The following ATE1 variants were observed in gnomAD, a reference collection of about 807,000 sequenced individuals.
ATE1 encodes arginyltransferase 1, also known as arginyl-tRNA--protein transferase 1.
In ATE1, 36 loss-of-function variants were observed where a neutral mutation model predicts 70.5. The ratio of observed to expected loss-of-function variants is 0.51; its 90% CI spans 0.39 to 0.67. The LOEUF is 0.67. ATE1 is among the 30% of genes least tolerant of loss of function. ATE1 has a pLI of 0.00. For missense variants in ATE1, 593 were observed against 629.5 expected (o/e 0.94, Z 0.62); for synonymous variants, 232 against 219.3 (o/e 1.06, Z -0.51).
intron 10 of ATE1, among the ~76,000 whole-genome samples, chr10:121,824,092 A>C (rs1947910742): frequency 6.6e-6 from 1 of 152,210 alleles, no homozygotes; most frequent in Non-Finnish European, 1.5e-5. Context: ...TGTGATGACC[A>C]TGAGAATTCT....
intron 7 of ATE1, among the ~76,000 whole-genome samples, chr10:121,878,598 AAAAAG>A (rs1268796759): frequency 6.7e-6 from 1 of 149,492 alleles, no homozygotes; most frequent in African/African-American, 2.4e-5. Flanking sequence ...GTCTCAAAAA[AAAAAG>A]AAAAGAAAAG....
At chr10:121,850,590 C>A (rs368457619) in intron 8 of ATE1, among the ~76,000 whole-genome samples, 1 of 152,120 alleles carries the variant, frequency 6.6e-6, no homozygotes, top group East Asian at 1.9e-4. Flanking sequence ...CTCAGGGACC[C>A]CTGGCATTAC....
intron 10 of ATE1, among the ~76,000 whole-genome samples, chr10:121,808,348 AGCAG>A (rs1273190581): frequency 6.6e-6 from 1 of 152,202 alleles, no homozygotes; most frequent in Non-Finnish European, 1.5e-5. Context: ...AACAATGAAA[AGCAG>A]TCCATGAAGT....
chr10:121,832,790 A>T (rs1165573035), intron 10 of ATE1, among the ~76,000 whole-genome samples: 1 of 152,228 alleles, frequency 6.6e-6, no homozygotes, highest in African/African-American at 2.4e-5. Flanking sequence ...TTGGCCTCTA[A>T]GTAAAAGACA....
At chr10:121,885,567 CAAAAAAAAAA>C (rs397826119) in intron 7 of ATE1, among the ~76,000 whole-genome samples, 1 of 96,096 alleles carries the variant, frequency 1.0e-5, no homozygotes, top group Non-Finnish European at 1.9e-5. Context: ...GACTCCGTCT[CAAAAAAAAAA>C]AAAAAAAAAC....
At chr10:121,895,185 AG>A (rs1193582634) in intron 7 of ATE1, among the ~76,000 whole-genome samples, 1 of 152,232 alleles carries the variant, frequency 6.6e-6, no homozygotes, top group Non-Finnish European at 1.5e-5. Context: ...GATCCTCAAA[AG>A]GAAAACACAT....
chr10:121,764,919 T>A (rs1945213631), intron 11 of ATE1, among the ~76,000 whole-genome samples: 4 of 152,250 alleles, frequency 2.6e-5, no homozygotes, highest in Admixed American at 2.6e-4. Flanking sequence ...AGAATAAATA[T>A]GAAGTGTCTG....
chr10:121,892,924 T>C (rs1426111864), intron 7 of ATE1, among the ~76,000 whole-genome samples: 2 of 152,204 alleles, frequency 1.3e-5, no homozygotes, highest in Admixed American at 1.3e-4. Context: ...CTCTAGGGCG[T>C]GACATCAGAG....
rs1231808761 is a variant in ATE1 at position 121,902,466 on chromosome 10, A to G, written c.738T>C (p.Ala246=). ...GHPPSLFPPK[A]KSNQPKSLED... The stretch of plus-strand genomic sequence containing the variant: ...CGAGTGATTTTGGCTGGTTGGATTT[A>G]GCCTTTGGTGGAAACAAAGATGGTG... The change falls in exon 6 of 12, where the codon GCT becomes GCC. Residue 246 remains alanine (A), a synonymous_variant. Transcript: ENST00000224652. 2 of 1,614,116 alleles carry G rather than the reference A, an allele frequency of 1.2e-6. No individual in the cohort carries two copies. Among genetic ancestry groups the G allele is most frequent in the Admixed American group, 3.3e-5 (2 of 59,994 alleles).
chr10:121,882,565 G>A (rs1296273300), intron 7 of ATE1, among the ~76,000 whole-genome samples: 1 of 152,226 alleles, frequency 6.6e-6, no homozygotes, highest in Non-Finnish European at 1.5e-5. Flanking sequence ...CAGGTAGTAG[G>A]TAGAGGAGAT....
At chr10:121,857,880 C>G (rs1949305863) in intron 8 of ATE1, among the ~76,000 whole-genome samples, 1 of 152,210 alleles carries the variant, frequency 6.6e-6, no homozygotes, top group African/African-American at 2.4e-5. Flanking sequence ...GCAACCATCA[C>G]TTCACTTTCT....
chr10:121,908,896 C>T (rs965284776), intron 5 of ATE1, among the ~76,000 whole-genome samples: 6 of 152,178 alleles, frequency 3.9e-5, no homozygotes, highest in African/African-American at 1.4e-4. Context: ...AAACTGCAAA[C>T]GTAACCTGTC....
chr10:121,899,892 G>A lies in ATE1; in HGVS notation c.916C>T (p.Pro306Ser). ...KRYQMVIHKN[P>S]PDTPTESQFT... ...TGGCTTTCGGTTGGCGTATCAGGTG[G>A]GTTCTTGTGAATAACCATCTGGTAA... The change falls in exon 7 of 12, where the codon CCA becomes TCA. Residue 306 changes from proline (P) to serine (S), a missense_variant. Physicochemically the swap from Pro to Ser is moderately conservative, Grantham distance 74. Around this residue, in one of 3 missense-constraint regions of ATE1, gnomAD observed 467 missense variants for 469.6 expected, o/e 0.99. Coordinates refer to ENST00000224652, the MANE Select transcript of ATE1 (RefSeq NM_001001976.3). 1 of 1,612,604 alleles carries A rather than the reference G, an allele frequency of 6.2e-7. No homozygotes were observed. Among genetic ancestry groups the A allele is most frequent in the Non-Finnish European group, 8.5e-7 (1 of 1,179,056 alleles).
intron 7 of ATE1, among the ~76,000 whole-genome samples, chr10:121,872,631 G>A (rs1455236111): frequency 6.6e-6 from 1 of 151,930 alleles, no homozygotes; most frequent in Non-Finnish European, 1.5e-5. Context: ...AAATGAGACT[G>A]CAAAATACAT....
intron 7 of ATE1, among the ~76,000 whole-genome samples, chr10:121,897,144 A>C (rs1232287194): frequency 6.6e-6 from 1 of 152,182 alleles, no homozygotes; most frequent in Non-Finnish European, 1.5e-5. Context: ...CTGGAATTGC[A>C]TACCTGTCTA....
At chr10:121,854,118 T>C (rs142410835) in intron 8 of ATE1, among the ~76,000 whole-genome samples, 8 of 152,322 alleles carry the variant, frequency 5.3e-5, no homozygotes, top group African/African-American at 1.9e-4. Context: ...TGATTTTCTA[T>C]TGACTGGGTT....
intron 11 of ATE1, among the ~76,000 whole-genome samples, chr10:121,762,234 C>T (rs2135794935): frequency 6.6e-6 from 1 of 152,322 alleles, no homozygotes; most frequent in African/African-American, 2.4e-5. Flanking sequence ...CATTGACTGA[C>T]TTCTCCCTTC....
chr10:121,858,607 T>C (rs573791016), intron 8 of ATE1, among the ~76,000 whole-genome samples: 77 of 146,856 alleles, frequency 5.2e-4, no homozygotes, highest in East Asian at 4.3e-3. Flanking sequence ...TAATTAAAAG[T>C]TTACCTACTT....
At chr10:121,879,458 T>C (rs554329742) in intron 7 of ATE1, among the ~76,000 whole-genome samples, 2 of 152,268 alleles carry the variant, frequency 1.3e-5, no homozygotes, top group East Asian at 3.9e-4. Context: ...TAACACATAG[T>C]CTCCCTGAGG....
Sources: gnomAD v4.1 joint callset for allele counts (sites outside exome capture counted in the v4.1 genomes callset) on GRCh38, gnomAD v4.1.1 for gene constraint, gnomAD v4.1.1 regional missense constraint, MANE v1.5 for transcripts, NCBI Gene and HGNC (gene_info 2026-07-23, HGNC 2026-07-21) for gene names.